Variants in HIPK3 observed in about 807,000 individuals in gnomAD.
HIPK3 encodes the protein homeodomain interacting protein kinase 3.
HIPK3 carries 47 observed loss-of-function variants against 124.2 expected under a neutral mutation model. The ratio of observed to expected loss-of-function variants is 0.38; its 90% CI spans 0.30 to 0.48. The LOEUF (loss-of-function observed/expected upper bound fraction) is 0.48, where lower values mean the gene tolerates loss of function less well. Ranked by LOEUF, HIPK3 falls within the 20% of genes least tolerant of loss-of-function variation. The pLI, the probability that HIPK3 is intolerant of heterozygous loss-of-function variation, is 0.98. For missense variants in HIPK3, 1,286 were observed against 1,454.3 expected, an observed-to-expected ratio of 0.88 and a Z score of 1.88; for synonymous variants, 482 against 515.2, an observed-to-expected ratio of 0.94 and a Z score of 0.87.
chr11:33,347,534 A>G, intron 9 of HIPK3, 95 bp from the exon 10 acceptor site: 1 of 1,568,060 alleles, frequency 6.4e-7, no homozygotes, highest in Non-Finnish European at 8.7e-7. Context: ...TATAATTGTT[A>G]GCTGTTACTT....
chr11:33,296,797 T>A (rs1851853627), intron 2 of HIPK3, among the ~76,000 whole-genome samples: 1 of 152,160 alleles, frequency 6.6e-6, no homozygotes, highest in Non-Finnish European at 1.5e-5. Flanking sequence ...GCCTCCCTAT[T>A]ACCTGAGACA....
chr11:33,309,686 A>G (rs1852265900), intron 2 of HIPK3, among the ~76,000 whole-genome samples: 1 of 152,172 alleles, frequency 6.6e-6, no homozygotes, highest in Non-Finnish European at 1.5e-5. Flanking sequence ...TACAGTTAAC[A>G]TTTTGCGACA....
At chr11:33,310,004 C>A (rs1340141196) in intron 2 of HIPK3, among the ~76,000 whole-genome samples, 2 of 152,102 alleles carry the variant, frequency 1.3e-5, no homozygotes, top group African/African-American at 4.8e-5. Flanking sequence ...TTGCACATTT[C>A]TATTGTTATT....
intron 14 of HIPK3, among the ~76,000 whole-genome samples, chr11:33,350,512 A>T (rs1049062533): frequency 2.6e-4 from 32 of 125,472 alleles, no homozygotes; most frequent in African/African-American, 7.9e-4. Flanking sequence ...ACCAAAAATT[A>T]AAAAAAAAAA....
At chr11:33,280,704 G>T (rs908113298) in intron 1 of HIPK3, among the ~76,000 whole-genome samples, 1 of 152,182 alleles carries the variant, frequency 6.6e-6, no homozygotes, top group African/African-American at 2.4e-5. Flanking sequence ...GGCATGTTGG[G>T]AAAGAAAAGC....
Position 33,286,677 on chromosome 11 carries a change from C to G in HIPK3, c.263C>G (p.Thr88Ser), listed in dbSNP as rs1851563351. 4 of 1,614,018 alleles carry G rather than the reference C, an allele frequency of 2.5e-6. No homozygotes were observed. The highest frequency in any genetic ancestry group is 2.7e-5 in the African/African-American group (2 of 74,930). Residue 88 changes from threonine to serine, a missense_variant, in exon 2 of 17, where the codon ACT (threonine) becomes AGT (serine). This residue lies in a region of HIPK3 where 225 missense variants were observed against 240.3 expected (regional missense o/e 0.94). Coordinates refer to ENST00000303296, the MANE Select transcript of HIPK3 (RefSeq NM_005734.5). ...ACAAGTGCTGTTGTTTTGAAAAACA[C>G]TGCAGGTGCTACAAAGGTCATAGCA... ...LQTSAVVLKNTAGATKVIAAQ... is the reference protein window; with the variant it reads ...LQTSAVVLKNSAGATKVIAAQ...
intron 4 of HIPK3, among the ~76,000 whole-genome samples, chr11:33,337,715 C>T (rs1306370205): frequency 1.3e-5 from 2 of 151,836 alleles, no homozygotes; most frequent in African/African-American, 4.8e-5. Flanking sequence ...GCTCTCTTGC[C>T]CAGGCTGGAG....
chr11:33,348,379 CA>C (rs1853560200), intron 12 of HIPK3, 142 bp from the exon 13 acceptor site: 24 of 1,016,010 alleles, frequency 2.4e-5, no homozygotes, highest in Non-Finnish European at 3.4e-5. Context: ...TTATATTTCA[CA>C]AAAACTCAAG....
At chr11:33,289,367 C>G (rs1447504839) in intron 2 of HIPK3, among the ~76,000 whole-genome samples, 1 of 152,000 alleles carries the variant, frequency 6.6e-6, no homozygotes, top group Non-Finnish European at 1.5e-5. Context: ...ATCCCTTGAG[C>G]CCAGGTGTTA....
intron 1 of HIPK3, among the ~76,000 whole-genome samples, chr11:33,285,353 G>A (rs759632074): frequency 4.1e-4 from 63 of 151,862 alleles, no homozygotes; most frequent in Non-Finnish European, 8.2e-4. Flanking sequence ...GAAGTTTAAA[G>A]GAATATCCAT....
intron 1 of HIPK3, among the ~76,000 whole-genome samples, chr11:33,281,291 A>C (rs1185763251): frequency 6.6e-6 from 1 of 151,858 alleles, no homozygotes; most frequent in East Asian, 1.9e-4. Flanking sequence ...TTAACTTTTC[A>C]TTAAGGAAAA....
intron 2 of HIPK3, among the ~76,000 whole-genome samples, chr11:33,308,271 C>T (rs1326165794): frequency 6.6e-6 from 1 of 152,148 alleles, no homozygotes; most frequent in African/African-American, 2.4e-5. Flanking sequence ...TTTGACTGTT[C>T]TTCTGCCTGT....
intron 1 of HIPK3, among the ~76,000 whole-genome samples, chr11:33,285,016 A>G (rs1851510723): frequency 6.6e-6 from 1 of 152,206 alleles, no homozygotes; most frequent in Non-Finnish European, 1.5e-5. Context: ...TTCATATTTT[A>G]TAAATTCTAA....
chr11:33,347,854 A>C lies in HIPK3; in HGVS notation c.2147A>C (p.Lys716Thr), dbSNP rs756903887. ...AGSHRLGDWG[K>T]MISCSNHYNS... ...CATTGTTCTGAACTTCTCCCTAGGA[A>C]GATGATTTCATGCAGCAATCATTAT... is the stretch of plus-strand genomic sequence containing the variant. The change falls in exon 11 of 17, where the codon AAG becomes ACG. Residue 716 changes from lysine to threonine, a missense_variant and splice_region_variant. Physicochemically the swap from Lys to Thr is moderately conservative, Grantham distance 78 (BLOSUM62 -1). This residue lies in a region of HIPK3 where 810 missense variants were observed against 864.9 expected (regional missense o/e 0.94). Transcript: ENST00000303296. 5 of 1,614,174 alleles carry C rather than the reference A, an allele frequency of 3.1e-6. No individual in the cohort carries two copies. Among genetic ancestry groups the C allele is most frequent in the Middle Eastern group, 1.6e-4 (1 of 6,062 alleles).
chr11:33,303,966 T>G (rs1852078392), intron 2 of HIPK3, among the ~76,000 whole-genome samples: 1 of 152,112 alleles, frequency 6.6e-6, no homozygotes, highest in African/African-American at 2.4e-5. Context: ...GTTTTTGAAA[T>G]GGAGTCTCTC....
chr11:33,286,721 C>T lies in HIPK3; in HGVS notation c.307C>T (p.His103Tyr), dbSNP rs1851564633. 6.2e-7 allele frequency: 1 copy of T among 1,613,940 alleles called. No individual in the cohort carries two copies. Among genetic ancestry groups the T allele is most frequent in the Admixed American group, 1.7e-5 (1 of 59,996 alleles). The part of the protein sequence containing the change: ...KVIAAQAQQA[H>Y]VQAPQIGAWR... ...CATAGCAGCTCAGGCACAGCAAGCT[C>T]ACGTGCAGGCACCTCAGATTGGGGC... Residue 103 changes from histidine (H) to tyrosine (Y), a missense_variant, in exon 2 of 17, where the codon CAC (histidine) becomes TAC (tyrosine). By Grantham distance (83) the His-to-Tyr change is moderately conservative (BLOSUM62 2). Coordinates refer to ENST00000303296, the MANE Select transcript of HIPK3 (RefSeq NM_005734.5).
chr11:33,259,081 CT>C (rs1379935113), intron 1 of HIPK3, among the ~76,000 whole-genome samples: 2 of 152,158 alleles, frequency 1.3e-5, no homozygotes, highest in East Asian at 3.8e-4. Flanking sequence ...TCTGCTGACA[CT>C]TTTTCCCTTT....
At chr11:33,293,444 C>T (rs1851754251) in intron 2 of HIPK3, among the ~76,000 whole-genome samples, 1 of 152,128 alleles carries the variant, frequency 6.6e-6, no homozygotes, top group Non-Finnish European at 1.5e-5. Flanking sequence ...ACCCCCAGCC[C>T]TAAGCAACCA....
intron 9 of HIPK3, 92 bp downstream of exon 9, chr11:33,347,506 G>A: frequency 6.3e-7 from 1 of 1,582,278 alleles, no homozygotes; most frequent in African/African-American, 1.4e-5. Flanking sequence ...CATTTTGTAG[G>A]TTATGGACTT....
Sources: gnomAD v4.1 joint callset for allele counts (sites outside exome capture counted in the v4.1 genomes callset) on GRCh38, gnomAD v4.1.1 for gene constraint, gnomAD v4.1.1 regional missense constraint, MANE v1.5 for transcripts, NCBI Gene and HGNC (gene_info 2026-07-23, HGNC 2026-07-21) for gene names.